Variants in TOM1L2 observed in about 807,000 individuals in gnomAD.
The protein encoded by TOM1L2 is target of myb1 like 2 membrane trafficking protein.
A neutral mutation model predicts 67.9 loss-of-function variants in TOM1L2; 31 were observed. The observed-to-expected ratio is 0.46, with a 90% CI of 0.34 to 0.62. The LOEUF (loss-of-function observed/expected upper bound fraction) is 0.62. Ranked by LOEUF, TOM1L2 falls within the 20% of genes least tolerant of loss-of-function variation. The pLI, the probability that TOM1L2 is intolerant of heterozygous loss-of-function variation, is 0.01. For missense variants in TOM1L2, 606 were observed against 663.5 expected, an observed-to-expected ratio of 0.91 and a Z score of 0.95; for synonymous variants, 256 against 254.0, an observed-to-expected ratio of 1.01 and a Z score of -0.07.
intron 3 of TOM1L2, 127 bp downstream of exon 3, chr17:17,898,469 G>T: frequency 1.1e-6 from 1 of 924,708 alleles, no homozygotes; most frequent in Non-Finnish European, 1.8e-6. Flanking sequence ...CTGGACTCCA[G>T]TGGCCCAGGC....
At chr17:17,899,078 A>C (rs1288791352) in intron 2 of TOM1L2, among the ~76,000 whole-genome samples, 1 of 152,258 alleles carries the variant, frequency 6.6e-6, no homozygotes. Flanking sequence ...GCTGCCCCTA[A>C]GGAAGGGAAC....
rs946733341 is a variant in TOM1L2 at position 17,972,151 on chromosome 17, A to T, written c.52+111T>A. ...GTGGAGTGGCACCCGCGGCTGGCGGAGGCCCAGCCCGCTCGTGAAGTGGCA... is the reference window on the plus strand; with the variant it reads ...GTGGAGTGGCACCCGCGGCTGGCGGTGGCCCAGCCCGCTCGTGAAGTGGCA... On this transcript the variant is annotated intron_variant, in intron 1 of 14. Coordinates refer to ENST00000379504, the MANE Select transcript of TOM1L2 (RefSeq NM_001082968.2). 206 of 1,333,974 alleles carry T rather than the reference A, an allele frequency of 1.5e-4. 1 individual carries two copies. The Middle Eastern group carries it at 2.6e-3, about 17-fold the overall frequency. The allele number at this position is 1,333,974 out of a possible 1,614,324, so 82.6% of individuals were successfully genotyped here. A position where few individuals can be genotyped will look rare whatever the true frequency, so the allele number is the denominator to read the frequency against.
chr17:17,882,721 G>T lies in TOM1L2; in HGVS notation c.644C>A (p.Thr215Lys). ...TGCAAGTACCTGTTCTGAATTGGCT[G>T]TGATGGGGCCAGTCACACTCAGAGC... Reference protein sequence around the residue: ...APALSVTGPITANSEQIARLR... With the variant: ...APALSVTGPIKANSEQIARLR... The change falls in exon 6 of 15, where the codon ACA (threonine) becomes AAA (lysine). Residue 215 changes from threonine (T) to lysine (K), a missense_variant. Physicochemically the swap from Thr to Lys is moderately conservative, Grantham distance 78 (BLOSUM62 -1). Transcript: ENST00000379504. 4 of 1,614,222 alleles carry T rather than the reference G, an allele frequency of 2.5e-6. No homozygotes were observed. Among genetic ancestry groups the T allele is most frequent in the Non-Finnish European group, 3.4e-6 (4 of 1,180,034 alleles).
chr17:17,939,510 C>A (rs2040643373), intron 1 of TOM1L2, among the ~76,000 whole-genome samples: 1 of 152,114 alleles, frequency 6.6e-6, no homozygotes, highest in East Asian at 1.9e-4. Flanking sequence ...TTTAGAGATA[C>A]ATATTGAAAT....
chr17:17,898,472 G>A, intron 3 of TOM1L2, 124 bp downstream of exon 3: 1 of 958,988 alleles, frequency 1.0e-6, no homozygotes, highest in Non-Finnish European at 1.7e-6. Context: ...GACTCCAGTG[G>A]CCCAGGCACC....
intron 1 of TOM1L2, among the ~76,000 whole-genome samples, chr17:17,954,398 A>T (rs530703078): frequency 6.7e-6 from 1 of 148,760 alleles, no homozygotes; most frequent in South Asian, 2.1e-4. Flanking sequence ...CTGCAACCTC[A>T]GCCTCCCAGA....
At chr17:17,912,436 G>C (rs554003861) in intron 1 of TOM1L2, among the ~76,000 whole-genome samples, 1 of 150,998 alleles carries the variant, frequency 6.6e-6, no homozygotes, top group South Asian at 2.1e-4. Context: ...AGACGGGGCG[G>C]TTGCCAGGCA....
intron 6 of TOM1L2, among the ~76,000 whole-genome samples, chr17:17,881,779 C>G (rs1016672309): frequency 1.3e-5 from 2 of 152,188 alleles, no homozygotes; most frequent in African/African-American, 2.4e-5. Flanking sequence ...CCTGCTCTCA[C>G]CGTACTCCCT....
At chr17:17,932,729 A>G (rs548031367) in intron 1 of TOM1L2, among the ~76,000 whole-genome samples, 1 of 152,284 alleles carries the variant, frequency 6.6e-6, no homozygotes, top group Admixed American at 6.5e-5. Context: ...CAATGTTCTT[A>G]TCTATAAAAT....
chr17:17,946,204 A>G (rs2040943832), intron 1 of TOM1L2, among the ~76,000 whole-genome samples: 1 of 152,156 alleles, frequency 6.6e-6, no homozygotes, highest in Admixed American at 6.5e-5. Flanking sequence ...TAAGAGCTTT[A>G]TTGAGATATA....
intron 1 of TOM1L2, among the ~76,000 whole-genome samples, chr17:17,971,819 G>A (rs143218625): frequency 8.5e-5 from 13 of 152,364 alleles, no homozygotes; most frequent in African/African-American, 2.9e-4. Flanking sequence ...GTCCAAGTTG[G>A]GCCTCAGGGG....
chr17:17,859,782 G>A (rs1313424966), intron 12 of TOM1L2: 1 of 152,284 alleles, frequency 6.6e-6, no homozygotes, highest in Admixed American at 6.5e-5. Context: ...TCAGGAGGCT[G>A]AGGCAGGACA....
intron 1 of TOM1L2, among the ~76,000 whole-genome samples, chr17:17,921,063 C>T (rs1348904735): frequency 6.6e-6 from 1 of 152,216 alleles, no homozygotes; most frequent in Non-Finnish European, 1.5e-5. Flanking sequence ...TTTTTCTGCT[C>T]ATGATCCGAT....
intron 1 of TOM1L2, among the ~76,000 whole-genome samples, chr17:17,944,857 C>T (rs542430267): frequency 3.3e-5 from 5 of 152,324 alleles, no homozygotes; most frequent in African/African-American, 1.2e-4. Context: ...GAGATGTCTG[C>T]CTGATGGCAA....
At chr17:17,875,887 T>C (rs146454571) in intron 7 of TOM1L2, among the ~76,000 whole-genome samples, 3 of 152,304 alleles carry the variant, frequency 2.0e-5, no homozygotes, top group African/African-American at 7.2e-5. Flanking sequence ...AAGCTAAACA[T>C]GTAGAATAAA....
At chr17:17,955,300 G>C (rs1010656475) in intron 1 of TOM1L2, among the ~76,000 whole-genome samples, 1 of 151,056 alleles carries the variant, frequency 6.6e-6, no homozygotes, top group Admixed American at 6.6e-5. Flanking sequence ...TAGTGGGAAC[G>C]GCAGGACCCC....
intron 1 of TOM1L2, among the ~76,000 whole-genome samples, chr17:17,937,861 G>A (rs2040572524): frequency 6.6e-6 from 1 of 152,216 alleles, no homozygotes; most frequent in Non-Finnish European, 1.5e-5. Flanking sequence ...CCAAATCATA[G>A]CTCTTAAGCT....
rs117795168 is a variant in TOM1L2 at position 17,853,254 on chromosome 17, C to A, written c.1279-2302G>T. 1.4e-3 allele frequency among the ~76,000 whole-genome samples: 219 copies of A among 152,356 alleles called. 7 individuals are homozygous for A. The East Asian group carries it at 0.038, about 26-fold the overall frequency. On this transcript the variant is annotated intron_variant, in intron 12 of 14. Transcript: ENST00000379504. ...TCTCCAGAGAGAAAATAGTCCCACA[C>A]TAGCGGTTAGAGTGTGCACCAGCCC... is the stretch of plus-strand genomic sequence containing the variant.
At chr17:17,917,576 T>C (rs924615067) in intron 1 of TOM1L2, among the ~76,000 whole-genome samples, 1 of 148,770 alleles carries the variant, frequency 6.7e-6, no homozygotes, top group African/African-American at 2.5e-5. Context: ...TGGGAATACA[T>C]GTGCATGCCA....
Sources: allele counts gnomAD v4.1 joint callset (sites outside exome capture counted in the v4.1 genomes callset), GRCh38; gene constraint gnomAD v4.1.1; transcripts MANE v1.5; gene names NCBI Gene and HGNC (gene_info 2026-07-23, HGNC 2026-07-21).